COL4A4: variants seen among roughly 807,000 people sequenced by gnomAD.
COL4A4 encodes collagen alpha-4(IV) chain.
In COL4A4, 105 loss-of-function variants were observed where a neutral mutation model predicts 192.9. The observed-to-expected ratio is 0.54, with a 90% CI of 0.46 to 0.64. The LOEUF (loss-of-function observed/expected upper bound fraction) is 0.64. Among genes scored for constraint, COL4A4 ranks in the 30% least tolerant of loss-of-function variants. The probability of loss-of-function intolerance (pLI) is 0.00; values close to 1 mark genes in which losing one functional copy is unlikely to be tolerated. For missense variants in COL4A4, 1,967 were observed against 2,169.3 expected (o/e 0.91, Z 1.85); for synonymous variants, 762 against 769.9 (o/e 0.99, Z 0.17).
chr2:227,050,118 G>C lies in COL4A4; in HGVS notation c.3164C>G (p.Ser1055Cys), dbSNP rs553814126. Residue 1055 changes from serine (S) to cysteine (C), a missense_variant, in exon 34 of 48, where the codon TCT (serine) becomes TGT (cysteine). Physicochemically the swap from Ser to Cys is moderately radical, Grantham distance 112. Transcript: ENST00000396625. ...GLPGDQGEPG[S>C]PGPPGFSGID... Reference sequence around the variant, plus strand: ...TCCTGAAAATCCAGGGGGACCTGGAGAACCTGGCTCACCCTGACAGTTTAA... The same window carrying C: ...TCCTGAAAATCCAGGGGGACCTGGACAACCTGGCTCACCCTGACAGTTTAA... 1 of 1,614,062 alleles carries C rather than the reference G, an allele frequency of 6.2e-7. No individual in the cohort carries two copies. Among genetic ancestry groups the C allele is most frequent in the African/African-American group, 1.3e-5 (1 of 75,046 alleles).
At chr2:227,002,549 C>T (rs538802748), downstream of COL4A4, among the ~76,000 whole-genome samples, 63 of 152,266 alleles carry the variant, frequency 4.1e-4, no homozygotes, top group South Asian at 8.3e-4. Flanking sequence ...GTGCATAGAA[C>T]AGTGTTTCCA....
In COL4A4 at chr2:227,010,463, ACCCTTTGGGCCCAGGATC is replaced by A; in HGVS notation, c.4354_4371del (p.Asp1452_Gly1457del). On this transcript the variant is annotated inframe_deletion, in exon 46 of 48. Coordinates refer to ENST00000396625, the MANE Select transcript of COL4A4 (RefSeq NM_000092.5). ...AAGCCACCGAGGTATCCAGGGCCAA[ACCCTTTGGGCCCAGGATC>A]CCCAATGGGACCAGGAGGCCCTGGA... 6.2e-7 allele frequency: 1 copy of A among 1,605,164 alleles called. No homozygotes were observed. Among genetic ancestry groups the A allele is most frequent in the Non-Finnish European group, 8.5e-7 (1 of 1,175,568 alleles).
At chr2:227,055,885 C>T in intron 30 of COL4A4, 60 bp downstream of exon 30, 4 of 1,488,988 alleles carry the variant, frequency 2.7e-6, no homozygotes, top group Non-Finnish European at 3.7e-6. Flanking sequence ...CCAGTCTTCA[C>T]TTGGCAGTGG....
At chr2:227,121,281 G>T (rs893145019) in intron 4 of COL4A4, 133 bp from the exon 5 acceptor site, 3 of 1,050,996 alleles carry the variant, frequency 2.9e-6, no homozygotes, top group African/African-American at 3.2e-5. Flanking sequence ...GAAACAAATG[G>T]CTGGAGATGG....
At chr2:227,049,544 A>AAAT (rs1355955501) in intron 34 of COL4A4, among the ~76,000 whole-genome samples, 2 of 152,180 alleles carry the variant, frequency 1.3e-5, no homozygotes, top group Non-Finnish European at 2.9e-5. Context: ...TATAGTAAAA[A>AAAT]AATAATAATA....
intron 30 of COL4A4, 89 bp from the exon 31 acceptor site, chr2:227,054,826 G>T: frequency 7.0e-7 from 1 of 1,424,404 alleles, no homozygotes; most frequent in Non-Finnish European, 9.7e-7. Context: ...GTCTCACTCT[G>T]TCACCCAGGC....
Position 227,073,375 on chromosome 2 carries a change from A to C in COL4A4, c.1987+4519T>G, listed in dbSNP as rs528546956. ...AAAGTTCTCAAAAAGGAGAACTACA[A>C]AACACTGTTGAAAGAAATCATAGAT... is the stretch of plus-strand genomic sequence containing the variant. On this transcript the variant is annotated intron_variant, in intron 25 of 47. Transcript: ENST00000396625. Among the ~76,000 whole-genome samples the C allele has an allele frequency of 2.0e-5, 3 of 152,270 alleles. No homozygotes were observed. The South Asian group carries it at 6.2e-4, about 32-fold the overall frequency.
chr2:227,098,874 T>C lies in COL4A4; in HGVS notation c.1100-76A>G, dbSNP rs528366821. On this transcript the variant is annotated intron_variant, in intron 18 of 47. Transcript: ENST00000396625. ...AAATTAAGACAACAATTACTTTTTG[T>C]GAGACTCAGTAAAGTATAATTAGGA... 9.2e-6 allele frequency: 11 copies of C among 1,191,546 alleles called. No homozygotes were observed. The African/African-American group carries it at 1.2e-4, about 13-fold the overall frequency. 73.8% of individuals were successfully genotyped at this position (1,191,546 alleles called of 1,614,324 possible).
the COL4A4 span, among the ~76,000 whole-genome samples, chr2:226,980,276 GCT>G: frequency 6.6e-6 from 1 of 152,260 alleles, no homozygotes; most frequent in East Asian, 1.9e-4. Flanking sequence ...TTCAACCTCA[GCT>G]CTTTCTGATT....
In COL4A4 at chr2:227,161,113, T is replaced by C. The variant is rs112623987; in HGVS notation, c.-102+2894A>G. On this transcript the variant is annotated intron_variant, in intron 1 of 47. Coordinates refer to ENST00000396625, the MANE Select transcript of COL4A4 (RefSeq NM_000092.5). Reference sequence around the variant, plus strand: ...AGGAAGAAACCAGACTAAGTGTGAATGCTGGGTGAATTTGACAAGTCATTC... The same window carrying C: ...AGGAAGAAACCAGACTAAGTGTGAACGCTGGGTGAATTTGACAAGTCATTC... Among the ~76,000 whole-genome samples, 898 of 152,358 alleles carry C rather than the reference T, an allele frequency of 5.9e-3. 14 individuals are homozygous for C. Among genetic ancestry groups the C allele is most frequent in the African/African-American group, 0.019 (802 of 41,576 alleles).
At chr2:227,148,250 C>A (rs947253106) in intron 1 of COL4A4, among the ~76,000 whole-genome samples, 1 of 152,150 alleles carries the variant, frequency 6.6e-6, no homozygotes, top group African/African-American at 2.4e-5. Flanking sequence ...TGAACACAAC[C>A]CGCATGTCCA....
chr2:227,040,545 T>C lies in COL4A4; in HGVS notation c.3505+1603A>G, dbSNP rs1970562771. Among the ~76,000 whole-genome samples, 3 of 150,732 alleles carry C rather than the reference T, an allele frequency of 2.0e-5. No individual in the cohort carries two copies. The Admixed American group carries it at 2.0e-4, about 10-fold the overall frequency. On this transcript the variant is annotated intron_variant, in intron 37 of 47. Transcript: ENST00000396625. ...GTTATGCTAAAGATATGTTCAAAAATACCCATAGAAAAAATACTTTTTCTT... is the reference window on the plus strand; with the variant it reads ...GTTATGCTAAAGATATGTTCAAAAACACCCATAGAAAAAATACTTTTTCTT...
At chr2:227,016,189 C>G (rs775553795) in intron 44 of COL4A4, among the ~76,000 whole-genome samples, 1 of 151,986 alleles carries the variant, frequency 6.6e-6, no homozygotes, top group African/African-American at 2.4e-5. Flanking sequence ...TGCTTAACAT[C>G]CTAGAATCCA....
chr2:227,035,647 A>G (rs1343945956), intron 37 of COL4A4, among the ~76,000 whole-genome samples: 1 of 152,174 alleles, frequency 6.6e-6, no homozygotes, highest in Non-Finnish European at 1.5e-5. Flanking sequence ...TTATGAGCCA[A>G]CGTTTCAAGT....
At chr2:227,047,871 G>T (rs933281108) in intron 34 of COL4A4, among the ~76,000 whole-genome samples, 15 of 151,918 alleles carry the variant, frequency 9.9e-5, no homozygotes, top group African/African-American at 3.6e-4. Flanking sequence ...AAATTATTTG[G>T]CATTGAGTGG....
intron 37 of COL4A4, among the ~76,000 whole-genome samples, chr2:227,036,811 CGG>C (rs375183775): frequency 3.3e-5 from 5 of 152,024 alleles, no homozygotes; most frequent in African/African-American, 1.2e-4. Context: ...GTAAAAAAAG[CGG>C]GGGGAGAATA....
chr2:227,159,148 C>A (rs1377589722), intron 1 of COL4A4, among the ~76,000 whole-genome samples: 4 of 151,832 alleles, frequency 2.6e-5, no homozygotes, highest in Non-Finnish European at 5.9e-5. Context: ...TAACAAACTC[C>A]TAATCTACAC....
intron 34 of COL4A4, among the ~76,000 whole-genome samples, chr2:227,049,710 G>A (rs1181681714): frequency 3.3e-5 from 5 of 152,174 alleles, no homozygotes; most frequent in Non-Finnish European, 5.9e-5. Flanking sequence ...TGGCTCCTGC[G>A]GGACATAGGG....
At chr2:227,110,362 GC>G (rs1209099202) in intron 9 of COL4A4, among the ~76,000 whole-genome samples, 1 of 152,180 alleles carries the variant, frequency 6.6e-6, no homozygotes, top group Non-Finnish European at 1.5e-5. Context: ...TCCATCACTA[GC>G]CAGAAGTTAC....
Sources: gnomAD v4.1 joint callset for allele counts (sites outside exome capture counted in the v4.1 genomes callset) on GRCh38, gnomAD v4.1.1 for gene constraint, MANE v1.5 for transcripts, NCBI Gene and HGNC (gene_info 2026-07-23, HGNC 2026-07-21) for gene names.